The following APOL4 variants were observed in gnomAD, a reference collection of about 807,000 sequenced individuals.
APOL4 encodes the protein apolipoprotein L4.
Under a neutral mutation model 12.1 loss-of-function variants are expected in APOL4, and 14 were observed. The ratio of observed to expected loss-of-function variants is 1.16; its 90% CI spans 0.76 to 1.81. The LOEUF is 1.81. APOL4 is among the 40% of genes most tolerant of loss of function. APOL4 has a pLI of 0.00. For missense variants in APOL4, 432 were observed against 423.1 expected, an observed-to-expected ratio of 1.02 and a Z score of -0.18; for synonymous variants, 171 against 160.6, an observed-to-expected ratio of 1.06 and a Z score of -0.49.
At chr22:36,199,425 G>GATA in intron 1 of APOL4, 49 bp from the exon 2 acceptor site, 2 of 1,613,724 alleles carry the variant, frequency 1.2e-6, no homozygotes, top group South Asian at 2.2e-5. Flanking sequence ...GCCACCTATG[G>GATA]GCAAAGGGAG....
chr22:36,202,657 C>T (rs370504013), upstream of APOL4, among the ~76,000 whole-genome samples: 26 of 151,402 alleles, frequency 1.7e-4, no homozygotes, highest in South Asian at 4.0e-3. Flanking sequence ...ACCCGGGAGG[C>T]GGAGCTTGCA....
intron 1 of APOL4, among the ~76,000 whole-genome samples, chr22:36,200,636 AT>A (rs2014543556): frequency 6.6e-6 from 1 of 152,186 alleles, no homozygotes; most frequent in Non-Finnish European, 1.5e-5. Context: ...CCCACATTTG[AT>A]TTTATTTCCT....
intron 1 of APOL4, among the ~76,000 whole-genome samples, chr22:36,201,101 TAGAG>T (rs2014558755): frequency 6.6e-6 from 1 of 151,456 alleles, no homozygotes. Context: ...AGAGGAGAGA[TAGAG>T]GGAGGGTACA....
intron 2 of APOL4, among the ~76,000 whole-genome samples, chr22:36,199,020 T>C (rs1376466916): frequency 1.3e-5 from 2 of 152,190 alleles, no homozygotes; most frequent in East Asian, 3.8e-4. Context: ...AACCCTGCTG[T>C]TTCCATTTCC....
upstream of APOL4, among the ~76,000 whole-genome samples, chr22:36,202,356 C>T (rs945527649): frequency 7.9e-5 from 12 of 152,226 alleles, no homozygotes; most frequent in Admixed American, 6.5e-4. Flanking sequence ...GTGATCTTCC[C>T]GCCTCTGCCT....
chr22:36,195,743 A>T (rs2014384918), intron 2 of APOL4, among the ~76,000 whole-genome samples: 2 of 93,376 alleles, frequency 2.1e-5, no homozygotes, highest in Non-Finnish European at 4.2e-5. Flanking sequence ...GAGACAGATG[A>T]TCTCTCTCTC....
chr22:36,199,553 A>G (rs2014508262), intron 1 of APOL4, 177 bp from the exon 2 acceptor site: 1 of 1,575,886 alleles, frequency 6.3e-7, no homozygotes, highest in Non-Finnish European at 8.6e-7. Flanking sequence ...ACAGACACTC[A>G]ACTCATTCCA....
rs772909961 is a variant in APOL4 at position 36,201,705 on chromosome 22, G to A, written c.30C>T (p.Ser10=). Residue 10 remains serine (S), a synonymous_variant, in exon 1 of 4, where the codon AGC becomes AGT. Transcript: ENST00000683024. ...AGCTGGGGCCTCGGACTCACCCGAC[G>A]CTTGTGATGAGCTGCACCCAGGATC... MGSWVQLIT[S]VGVQQNHPGW... 2.1e-5 allele frequency: 34 copies of A among 1,607,384 alleles called. No individual in the cohort carries two copies. Among genetic ancestry groups the A allele is most frequent in the African/African-American group, 9.4e-5 (7 of 74,412 alleles).
upstream of APOL4, among the ~76,000 whole-genome samples, chr22:36,202,475 C>T (rs1389389513): frequency 6.6e-6 from 1 of 152,146 alleles, no homozygotes; most frequent in Non-Finnish European, 1.5e-5. Context: ...CGCCTGTAAT[C>T]CCAGCACTTT....
chr22:36,199,526 C>A (rs924723921), intron 1 of APOL4, 150 bp from the exon 2 acceptor site: 2 of 1,598,788 alleles, frequency 1.3e-6, no homozygotes, highest in South Asian at 2.2e-5. Context: ...TCACCAAGTC[C>A]CCATCATCTG....
At chr22:36,195,129 A>T (rs1383362852) in intron 3 of APOL4, 182 bp downstream of exon 3, 5 of 702,864 alleles carry the variant, frequency 7.1e-6, no homozygotes, top group Non-Finnish European at 8.8e-6. Context: ...CCTCAGCCTG[A>T]GGTCACTCAC....
chr22:36,191,540 T>G lies in APOL4; in HGVS notation c.582A>C (p.Thr194=), dbSNP rs765746722. Residue 194 remains threonine (T), a synonymous_variant, in exon 4 of 4, where the codon ACA becomes ACC. Transcript: ENST00000683024. The part of the protein sequence containing the change: ...IASSIVENTY[T]RSAELTASRL... ...TGCTGGCTGTGAGTTCTGCTGACCT[T>G]GTGTATGTGTTCTCCACGATGCTGG... 10 of 1,613,892 alleles carry G rather than the reference T, an allele frequency of 6.2e-6. No individual in the cohort carries two copies. The East Asian group carries it at 2.0e-4, about 32-fold the overall frequency.
At chr22:36,201,361 C>G (rs2014567942) in intron 1 of APOL4, among the ~76,000 whole-genome samples, 2 of 150,496 alleles carry the variant, frequency 1.3e-5, no homozygotes, top group South Asian at 4.3e-4. Context: ...GCCCCCTCCT[C>G]AAAAGCCACT....
At chr22:36,194,484 AC>A (rs1019008576) in intron 3 of APOL4, among the ~76,000 whole-genome samples, 1 of 151,706 alleles carries the variant, frequency 6.6e-6, no homozygotes, top group African/African-American at 2.4e-5. Context: ...CCCCATCCTG[AC>A]CCCTGGCTCT....
rs2014444376 is a variant in APOL4 at position 36,197,470 on chromosome 22, G to T, written c.82+1860C>A. ...GGAGGGAACCTCCAGCACTAAATTT[G>T]TGTTTTATTGATGGGGTGGGGATGG... is the stretch of plus-strand genomic sequence containing the variant. On this transcript the variant is annotated intron_variant, in intron 2 of 3. Transcript: ENST00000683024. 3 of 956,604 alleles carry T rather than the reference G, an allele frequency of 3.1e-6. No individual in the cohort carries two copies. The Admixed American group carries it at 1.1e-4, about 36-fold the overall frequency. 59.3% of individuals were successfully genotyped at this position (956,604 alleles called of 1,614,324 possible). A position where few individuals can be genotyped will look rare whatever the true frequency, so the allele number is the denominator to read the frequency against.
At chr22:36,203,276 T>G (rs1331203496), upstream of APOL4, among the ~76,000 whole-genome samples, 2 of 152,210 alleles carry the variant, frequency 1.3e-5, no homozygotes, top group African/African-American at 4.8e-5. Context: ...CACCGCCTTC[T>G]GGTCAACAAT....
At position 36,191,384 on chromosome 22, in the gene APOL4, T is replaced by G; in HGVS notation, c.738A>C (p.Thr246=). ...CAACAGTGGCTTTAGATCTCCTGAG[T>G]GTATGGACATCATTCGCAATCATTT... is the stretch of plus-strand genomic sequence containing the variant. ...ATKMIANDVH[T]LRRSKATVGR... The change falls in exon 4 of 4, where the codon ACA becomes ACC. Residue 246 remains threonine (T), a synonymous_variant. Transcript: ENST00000683024. 2 of 1,614,048 alleles carry G rather than the reference T, an allele frequency of 1.2e-6. No homozygotes were observed. The highest frequency in any genetic ancestry group is 1.3e-5 in the African/African-American group (1 of 75,050).
upstream of APOL4, among the ~76,000 whole-genome samples, chr22:36,202,672 G>A (rs1426547470): frequency 4.0e-5 from 6 of 151,722 alleles, no homozygotes; most frequent in African/African-American, 1.5e-4. Context: ...CTTGCAGTGA[G>A]CAGAGATTGC....
Position 36,190,759 on chromosome 22 carries a change from T to C in APOL4, c.*316A>G, listed in dbSNP as rs1324271447. Reference sequence around the variant, plus strand: ...TCATATTGTTCAAACACACATGCTCTACAATTTGTGCAGTTAACGCAATTA... The same window carrying C: ...TCATATTGTTCAAACACACATGCTCCACAATTTGTGCAGTTAACGCAATTA... On this transcript the variant is annotated 3_prime_UTR_variant, in exon 4 of 4. Coordinates refer to ENST00000683024, the MANE Select transcript of APOL4 (RefSeq NM_001386885.1). The C allele has an allele frequency of 1.0e-5, 3 of 292,648 alleles. No individual in the cohort carries two copies. The highest frequency in any genetic ancestry group is 1.6e-4 in the East Asian group (2 of 12,518). 18.1% of individuals were successfully genotyped at this position (292,648 alleles called of 1,614,324 possible). A position where few individuals can be genotyped will look rare whatever the true frequency, so the allele number is the denominator to read the frequency against.
Sources: allele counts gnomAD v4.1 joint callset (sites outside exome capture counted in the v4.1 genomes callset), GRCh38; gene constraint gnomAD v4.1.1; transcripts MANE v1.5; gene names NCBI Gene and HGNC (gene_info 2026-07-23, HGNC 2026-07-21).